The following CHD2 variants were observed in gnomAD, a reference collection of about 807,000 sequenced individuals.
CHD2 encodes chromodomain helicase DNA binding protein 2, also known as ATP-dependent chromatin remodeler CHD2.
CHD2 carries 28 observed loss-of-function variants against 243.9 expected under a neutral mutation model. The ratio of observed to expected loss-of-function variants is 0.11; its 90% CI spans 0.09 to 0.16. The LOEUF is 0.16. Ranked by LOEUF, CHD2 falls within the 10% of genes least tolerant of loss-of-function variation. The pLI, the probability that CHD2 is intolerant of heterozygous loss-of-function variation, is 1.00. For missense variants in CHD2, 1,386 were observed against 2,209.8 expected (o/e 0.63, Z 7.47); for synonymous variants, 775 against 779.0 (o/e 0.99, Z 0.09).
At chr15:92,918,698 T>C (rs1163452339) in intron 2 of CHD2, among the ~76,000 whole-genome samples, 1 of 152,000 alleles carries the variant, frequency 6.6e-6, no homozygotes, top group Non-Finnish European at 1.5e-5. Context: ...ATTATAATTA[T>C]TAGGTATTAA....
At chr15:92,994,098 C>G (rs1257372743) in intron 28 of CHD2, among the ~76,000 whole-genome samples, 3 of 152,176 alleles carry the variant, frequency 2.0e-5, no homozygotes. Flanking sequence ...TAAGGCTACC[C>G]TTCTGCAGCT....
chr15:92,997,086 A>G lies in CHD2; in HGVS notation c.3725A>G (p.Glu1242Gly). The change falls in exon 29 of 39, where the codon GAA becomes GGA. Residue 1242 changes from glutamate (E) to glycine (G), a missense_variant. This residue lies in a region of CHD2 where 99 missense variants were observed against 176.9 expected (regional missense o/e 0.56). Transcript: ENST00000394196. The surrounding 1 kb of genome is among the most constrained non-coding windows in gnomAD (Gnocchi z 4.1). ...AAATCTATCCCTGTGGACCCTGAAG[A>G]AAAAAAAAAGTGAGTATATTTTGTG... Reference protein sequence around the residue: ...LHKSIPVDPEEKKKYCLTCRV... With the variant: ...LHKSIPVDPEGKKKYCLTCRV... The G allele has an allele frequency of 6.5e-7, 1 of 1,536,354 alleles. No individual in the cohort carries two copies. Among genetic ancestry groups the G allele is most frequent in the Non-Finnish European group, 8.9e-7 (1 of 1,129,112 alleles).
intron 2 of CHD2, among the ~76,000 whole-genome samples, chr15:92,913,350 C>A (rs1480944141): frequency 6.6e-6 from 1 of 152,084 alleles, no homozygotes; most frequent in Non-Finnish European, 1.5e-5. Context: ...GAAGGAAGTT[C>A]AAATTAAATA....
intron 24 of CHD2, among the ~76,000 whole-genome samples, chr15:92,982,879 G>C (rs921540032): frequency 6.6e-6 from 1 of 152,188 alleles, no homozygotes; most frequent in African/African-American, 2.4e-5. Context: ...GTCATAGTCG[G>C]TTTGGGCTCC....
chr15:92,930,015 T>G (rs2053136750), intron 5 of CHD2, among the ~76,000 whole-genome samples: 1 of 93,314 alleles, frequency 1.1e-5, no homozygotes. Context: ...TACAGAGCCT[T>G]ACAGAAAAGT....
At chr15:93,012,272 C>G (rs2054402968) in intron 35 of CHD2, 73 bp from the exon 36 acceptor site, 1 of 906,416 alleles carries the variant, frequency 1.1e-6, no homozygotes, top group Non-Finnish European at 1.7e-6. Context: ...TAATAGCTTG[C>G]CATCCATGAA....
chr15:92,924,449 C>A lies in CHD2; in HGVS notation c.191C>A (p.Ser64Ter). 1.2e-6 allele frequency: 2 copies of A among 1,614,060 alleles called. No homozygotes were observed. The highest frequency in any genetic ancestry group is 2.2e-5 in the South Asian group (2 of 91,044). ...AGCTCTGAATCTTCTGAGAGTCAGT[C>A]GGAATCTGAGAGCGAATCAGCAGGT... Reference protein sequence around the residue: ...NSSSESSESQSESESESAGSK... With the variant: ...NSSSESSESQ Residue 64 changes from serine to a stop codon, truncating the protein, a stop_gained, in exon 3 of 39, where the codon TCG becomes TAG. Coordinates refer to ENST00000394196, the MANE Select transcript of CHD2 (RefSeq NM_001271.4). LOFTEE classifies it high-confidence loss of function.
chr15:92,954,725 ATC>A (rs1199598687), intron 14 of CHD2, among the ~76,000 whole-genome samples: 1 of 152,206 alleles, frequency 6.6e-6, no homozygotes, highest in Non-Finnish European at 1.5e-5. Flanking sequence ...TTTCCTTGCT[ATC>A]TCCAGTTCTC....
At chr15:92,988,766 T>C (rs1254254970) in intron 26 of CHD2, among the ~76,000 whole-genome samples, 2 of 152,174 alleles carry the variant, frequency 1.3e-5, no homozygotes, top group Non-Finnish European at 2.9e-5. Context: ...ATTTTTTTTT[T>C]CATTTCCGTT....
chr15:92,922,057 C>A (rs944496268), intron 2 of CHD2, among the ~76,000 whole-genome samples: 9 of 152,168 alleles, frequency 5.9e-5, no homozygotes, highest in Non-Finnish European at 5.9e-5. Flanking sequence ...ACTGTTGAGT[C>A]ACTTGTTACA....
intron 17 of CHD2, among the ~76,000 whole-genome samples, chr15:92,967,822 C>T (rs1186628128): frequency 6.6e-6 from 1 of 152,066 alleles, no homozygotes; most frequent in African/African-American, 2.4e-5. Context: ...AATTTCAATA[C>T]TGTTGTTATG....
At chr15:92,937,835 C>T (rs1281357262) in intron 6 of CHD2, among the ~76,000 whole-genome samples, 1 of 152,236 alleles carries the variant, frequency 6.6e-6, no homozygotes, top group Non-Finnish European at 1.5e-5. Flanking sequence ...GCAAACATGT[C>T]TTCCGCTTTT....
At chr15:93,003,258 G>A (rs976569208) in intron 33 of CHD2, among the ~76,000 whole-genome samples, 2 of 147,342 alleles carry the variant, frequency 1.4e-5, no homozygotes, top group Non-Finnish European at 3.0e-5. Context: ...CTTCACTCCA[G>A]CTTGGGCAAC....
intron 28 of CHD2, among the ~76,000 whole-genome samples, chr15:92,993,824 T>C (rs994714847): frequency 6.6e-6 from 1 of 152,098 alleles, no homozygotes; most frequent in Non-Finnish European, 1.5e-5. Context: ...GATGCACACC[T>C]GTAATCCCAG....
At position 92,901,263 on chromosome 15, in the gene CHD2, A is replaced by G. The variant is rs779552225; in HGVS notation, c.26A>G (p.Gln9Arg). 6.2e-6 allele frequency: 10 copies of G among 1,606,380 alleles called. No individual in the cohort carries two copies. The East Asian group carries it at 2.2e-4, about 36-fold the overall frequency. Residue 9 changes from glutamine to arginine, a missense_variant, in exon 2 of 39, where the codon CAA (glutamine) becomes CGA (arginine). Gln to Arg is a conservative substitution (Grantham distance 43). Coordinates refer to ENST00000394196, the MANE Select transcript of CHD2 (RefSeq NM_001271.4). The part of the protein sequence containing the change: MMRNKDKS[Q>R]EEDSSLHSNA... ...ATGATGAGAAATAAGGACAAAAGCCAAGAGGAGGACAGTTCGCTACACAGC... is the reference window on the plus strand; with the variant it reads ...ATGATGAGAAATAAGGACAAAAGCCGAGAGGAGGACAGTTCGCTACACAGC...
intron 2 of CHD2, among the ~76,000 whole-genome samples, chr15:92,923,893 T>C (rs1417320980): frequency 3.3e-5 from 5 of 152,120 alleles, no homozygotes; most frequent in Non-Finnish European, 7.4e-5. Context: ...CTGTGTTTTG[T>C]TTTTTTCTTG....
chr15:92,916,454 T>G (rs913355660), intron 2 of CHD2, among the ~76,000 whole-genome samples: 2 of 152,268 alleles, frequency 1.3e-5, no homozygotes, highest in African/African-American at 2.4e-5. Flanking sequence ...TTATTTAGGT[T>G]TTGTTATGAA....
intron 33 of CHD2, among the ~76,000 whole-genome samples, chr15:93,002,871 G>A (rs1290222932): frequency 6.6e-6 from 1 of 152,114 alleles, no homozygotes; most frequent in Admixed American, 6.5e-5. Context: ...ACAAACAACT[G>A]CTGTAATTCT....
At chr15:92,990,511 G>T (rs777498060) in intron 26 of CHD2, among the ~76,000 whole-genome samples, 14 of 152,194 alleles carry the variant, frequency 9.2e-5, no homozygotes, top group Non-Finnish European at 2.1e-4. Flanking sequence ...TTTCGGAAGT[G>T]TTGTTATTTA....
Sources: allele counts gnomAD v4.1 joint callset (sites outside exome capture counted in the v4.1 genomes callset), GRCh38; gene constraint gnomAD v4.1.1; regional missense constraint gnomAD v4.1.1; non-coding constraint Gnocchi (gnomAD v3.1); transcripts MANE v1.5; gene names NCBI Gene and HGNC (gene_info 2026-07-23, HGNC 2026-07-21).